CACNB2: variants seen among roughly 807,000 people sequenced by gnomAD.
The protein encoded by CACNB2 is voltage-dependent L-type calcium channel subunit beta-2.
Under a neutral mutation model 73.3 loss-of-function variants are expected in CACNB2, and 42 were observed. The observed-to-expected ratio is 0.57, with a 90% CI of 0.45 to 0.74. The LOEUF (loss-of-function observed/expected upper bound fraction) is 0.74. Ranked by LOEUF, CACNB2 falls within the 30% of genes least tolerant of loss-of-function variation. The pLI, the probability that CACNB2 is intolerant of heterozygous loss-of-function variation, is 0.00. For missense variants in CACNB2, 940 were observed against 853.0 expected (o/e 1.10, Z -1.27); for synonymous variants, 348 against 310.3 (o/e 1.12, Z -1.28).
At chr10:18,374,133 T>G (rs2042697816) in intron 2 of CACNB2, among the ~76,000 whole-genome samples, 1 of 152,128 alleles carries the variant, frequency 6.6e-6, no homozygotes, top group African/African-American at 2.4e-5. Flanking sequence ...CTGTTTTGAT[T>G]GAGGTGGAAA....
chr10:18,179,736 G>A (rs896778435), intron 2 of CACNB2, among the ~76,000 whole-genome samples: 9 of 151,940 alleles, frequency 5.9e-5, no homozygotes, highest in Non-Finnish European at 1.0e-4. Flanking sequence ...GAGTAAACAC[G>A]TGCATGCCAA....
At position 18,539,573 on chromosome 10, in the gene CACNB2, A is replaced by G; in HGVS notation, c.1832A>G (p.Asp611Gly). 1 of 1,613,832 alleles carries G rather than the reference A, an allele frequency of 6.2e-7. No individual in the cohort carries two copies. The highest frequency in any genetic ancestry group is 8.5e-7 in the Non-Finnish European group (1 of 1,179,966). ...RHRESRHRSR[D>G]VDREQDHNEC... ...AGGGAGTCCCGGCACCGTTCCCGGG[A>G]CGTGGATCGAGAGCAGGACCACAAC... Residue 611 changes from aspartate to glycine, a missense_variant, in exon 14 of 14, where the codon GAC becomes GGC. Transcript: ENST00000324631.
intron 2 of CACNB2, among the ~76,000 whole-genome samples, chr10:18,370,693 C>G (rs1409622749): frequency 6.6e-6 from 1 of 152,178 alleles, no homozygotes; most frequent in Non-Finnish European, 1.5e-5. Flanking sequence ...TTGTAGAGCT[C>G]ATGCTTACTT....
intron 2 of CACNB2, among the ~76,000 whole-genome samples, chr10:18,248,815 C>T (rs560464754): frequency 2.5e-4 from 38 of 152,306 alleles, no homozygotes; most frequent in Admixed American, 8.5e-4. Flanking sequence ...ACTTTCTCAA[C>T]TCTCTGTTCC....
chr10:18,400,851 T>A (rs1033165168), intron 2 of CACNB2: 9 of 1,473,320 alleles, frequency 6.1e-6, no homozygotes, highest in Non-Finnish European at 8.0e-6. Flanking sequence ...AAAATAAGAA[T>A]CTCCCTGGAT....
intron 2 of CACNB2, among the ~76,000 whole-genome samples, chr10:18,197,932 AAT>A (rs1252761823): frequency 3.4e-5 from 5 of 148,186 alleles, no homozygotes; most frequent in South Asian, 2.1e-4. Flanking sequence ...ATTAATGGTT[AAT>A]ATATAGTCAA....
intron 12 of CACNB2, among the ~76,000 whole-genome samples, chr10:18,537,622 C>A (rs922033853): frequency 2.6e-5 from 4 of 151,812 alleles, no homozygotes; most frequent in Admixed American, 1.3e-4. Context: ...ACTAAAAATA[C>A]AAAAATTAGC....
At chr10:18,437,106 G>A (rs187139776) in intron 3 of CACNB2, among the ~76,000 whole-genome samples, 14 of 152,262 alleles carry the variant, frequency 9.2e-5, no homozygotes, top group South Asian at 4.1e-4. Context: ...GAGACATGAC[G>A]TCACACTTGT....
At chr10:18,349,915 G>A (rs898597772) in intron 2 of CACNB2, among the ~76,000 whole-genome samples, 2 of 152,166 alleles carry the variant, frequency 1.3e-5, no homozygotes, top group Non-Finnish European at 2.9e-5. Context: ...TATGTTGCAT[G>A]AGGCCAAATG....
intron 2 of CACNB2, among the ~76,000 whole-genome samples, chr10:18,194,938 T>C (rs145992826): frequency 0.012 from 1,889 of 152,312 alleles, 34 homozygotes; most frequent in African/African-American, 0.04. Flanking sequence ...TAAGAATTGC[T>C]CTGGTTTCAA....
chr10:18,269,560 C>G (rs1434792977), intron 2 of CACNB2, among the ~76,000 whole-genome samples: 2 of 152,186 alleles, frequency 1.3e-5, no homozygotes, highest in African/African-American at 4.8e-5. Context: ...GAAAAAATGG[C>G]TAGAGAAATT....
At chr10:18,304,639 G>A (rs369992351) in intron 2 of CACNB2, among the ~76,000 whole-genome samples, 1 of 152,060 alleles carries the variant, frequency 6.6e-6, no homozygotes, top group Non-Finnish European at 1.5e-5. Flanking sequence ...CAAAGGCAGC[G>A]AACACAACCT....
intron 3 of CACNB2, among the ~76,000 whole-genome samples, chr10:18,437,105 C>T (rs1408227135): frequency 4.6e-5 from 7 of 152,262 alleles, no homozygotes; most frequent in Middle Eastern, 6.8e-3. Flanking sequence ...AGAGACATGA[C>T]GTCACACTTG....
intron 3 of CACNB2, among the ~76,000 whole-genome samples, chr10:18,402,515 C>T (rs2044060161): frequency 6.6e-6 from 1 of 152,030 alleles, no homozygotes; most frequent in African/African-American, 2.4e-5. Flanking sequence ...AAATGGATTA[C>T]ATTATGCTTT....
At chr10:18,352,532 C>G (rs899549953) in intron 2 of CACNB2, among the ~76,000 whole-genome samples, 1 of 152,122 alleles carries the variant, frequency 6.6e-6, no homozygotes, top group Non-Finnish European at 1.5e-5. Context: ...TAAAAGCATT[C>G]CAGGAGTTCC....
At chr10:18,200,947 C>G (rs2034850964) in intron 2 of CACNB2, among the ~76,000 whole-genome samples, 1 of 152,140 alleles carries the variant, frequency 6.6e-6, no homozygotes, top group African/African-American at 2.4e-5. Context: ...TGAAATTTAC[C>G]TCCATGACAT....
intron 2 of CACNB2, among the ~76,000 whole-genome samples, chr10:18,341,360 G>C (rs2041226908): frequency 1.3e-5 from 2 of 152,134 alleles, no homozygotes; most frequent in African/African-American, 4.8e-5. Context: ...GTGTAAATCA[G>C]GATGGTCTGA....
intron 2 of CACNB2, among the ~76,000 whole-genome samples, chr10:18,373,225 A>G (rs1273422335): frequency 6.6e-6 from 1 of 151,916 alleles, no homozygotes; most frequent in African/African-American, 2.4e-5. Context: ...GCAGAAACTT[A>G]CCCCTCTCCT....
chr10:18,423,729 A>G (rs2132744424), intron 3 of CACNB2, among the ~76,000 whole-genome samples: 1 of 152,250 alleles, frequency 6.6e-6, no homozygotes, highest in East Asian at 1.9e-4. Context: ...AGACATACAA[A>G]TGTCTAATAT....
Sources: allele counts gnomAD v4.1 joint callset (sites outside exome capture counted in the v4.1 genomes callset), GRCh38; gene constraint gnomAD v4.1.1; transcripts MANE v1.5; gene names NCBI Gene and HGNC (gene_info 2026-07-23, HGNC 2026-07-21).